Variants in SLC2A3 observed in about 807,000 individuals in gnomAD.
SLC2A3 encodes solute carrier family 2 member 3.
A neutral mutation model predicts 46.4 loss-of-function variants in SLC2A3; 21 were observed. That is an observed-to-expected ratio of 0.45 (90% confidence interval 0.32 to 0.65). SLC2A3 has a LOEUF of 0.65. Ranked by LOEUF, SLC2A3 falls within the 30% of genes least tolerant of loss-of-function variation. The probability of loss-of-function intolerance (pLI) is 0.04; values close to 1 mark genes in which losing one functional copy is unlikely to be tolerated. For synonymous variants in SLC2A3, 213 were observed against 239.4 expected (o/e 0.89, Z 1.02); for missense variants, 499 against 623.3 (o/e 0.80, Z 2.12).
intron 1 of SLC2A3, 130 bp from the exon 2 acceptor site, chr12:7,934,032 T>A (rs1170714626): frequency 1.3e-6 from 1 of 787,724 alleles, no homozygotes; most frequent in Non-Finnish European, 2.0e-6. Flanking sequence ...TCCAATGAGA[T>A]TTAGGTAATT....
At chr12:7,927,705 T>C (rs988655028) in intron 6 of SLC2A3, among the ~76,000 whole-genome samples, 32 of 152,108 alleles carry the variant, frequency 2.1e-4, no homozygotes, top group African/African-American at 7.7e-4. Flanking sequence ...ATAATTCTGA[T>C]GCAGCCAGCT....
chr12:7,926,275 G>A (rs1366842354), intron 6 of SLC2A3, among the ~76,000 whole-genome samples: 3 of 152,048 alleles, frequency 2.0e-5, no homozygotes, highest in African/African-American at 7.2e-5. Flanking sequence ...AGTTTAAGTA[G>A]AGATGGGTTT....
At chr12:7,923,907 T>G (rs1273735456) in intron 8 of SLC2A3, among the ~76,000 whole-genome samples, 1 of 151,884 alleles carries the variant, frequency 6.6e-6, no homozygotes, top group African/African-American at 2.4e-5. Context: ...TAGCTGACAT[T>G]AGAGGCATGC....
chr12:7,929,406 A>T, intron 6 of SLC2A3: 1 of 426,196 alleles, frequency 2.3e-6, no homozygotes, highest in East Asian at 3.9e-5. Flanking sequence ...GTAAAAACAG[A>T]CTGGTAAAGT....
At chr12:7,921,773 TTA>T in intron 9 of SLC2A3, 142 bp from the exon 10 acceptor site, 1 of 952,302 alleles carries the variant, frequency 1.1e-6, no homozygotes, top group South Asian at 1.8e-5. Flanking sequence ...TCAGATTCGC[TTA>T]TGATTCCATT....
intron 4 of SLC2A3, among the ~76,000 whole-genome samples, chr12:7,930,887 A>C (rs1444552721): frequency 2.9e-5 from 4 of 137,220 alleles, no homozygotes; most frequent in East Asian, 2.2e-4. Flanking sequence ...AACTCTGCCT[A>C]CCGGGTTCAC....
At chr12:7,926,021 T>C (rs1468016862) in intron 6 of SLC2A3, 73 bp from the exon 7 acceptor site, 2 of 1,306,862 alleles carry the variant, frequency 1.5e-6, no homozygotes, top group Non-Finnish European at 1.1e-6. Context: ...AAAAATAAAC[T>C]TAAAAGTCCC....
chr12:7,935,251 G>A (rs370802030), intron 1 of SLC2A3, among the ~76,000 whole-genome samples: 18 of 152,200 alleles, frequency 1.2e-4, no homozygotes, highest in African/African-American at 4.3e-4. Context: ...GTCGGGAGTC[G>A]AGACCAGCCT....
chr12:7,933,400 T>C (rs775237201), intron 2 of SLC2A3: 80 of 559,676 alleles, frequency 1.4e-4, no homozygotes, highest in Non-Finnish European at 5.0e-5. Context: ...ACCCAGCTTC[T>C]TTGTAACTAA....
intron 4 of SLC2A3, 147 bp from the exon 5 acceptor site, chr12:7,930,789 ATGGT>A: frequency 1.8e-6 from 1 of 567,120 alleles, no homozygotes; most frequent in Non-Finnish European, 2.6e-6. Context: ...TCTACTCAGC[ATGGT>A]TTTTTTTTTT....
chr12:7,928,270 C>T (rs373474608), intron 6 of SLC2A3, among the ~76,000 whole-genome samples: 1 of 151,522 alleles, frequency 6.6e-6, no homozygotes, highest in African/African-American at 2.4e-5. Flanking sequence ...TGGTGGCACA[C>T]GCCTGTAGTC....
At chr12:7,930,749 AAAT>A in intron 4 of SLC2A3, 107 bp from the exon 5 acceptor site, 3 of 1,280,764 alleles carry the variant, frequency 2.3e-6, no homozygotes, top group Non-Finnish European at 3.2e-6. Flanking sequence ...CCATGTGAAA[AAAT>A]AAACAAATTG....
rs17847970 is a variant in SLC2A3 at position 7,924,554 on chromosome 12, T to C, written c.967-43A>G. 15,460 of 1,549,074 alleles carry C rather than the reference T, an allele frequency of 1.0e-2. 460 individuals carry two copies. The East Asian group carries it at 0.13, about 14-fold the overall frequency. On this transcript the variant is annotated intron_variant, in intron 7 of 9. Transcript: ENST00000075120. ...CATGAAACTTCAGTTTTCCTTTCCA[T>C]GAAAACAGCATCTGAGCTACTTGAA...
At chr12:7,934,492 C>T (rs74503359) in intron 1 of SLC2A3, among the ~76,000 whole-genome samples, 1,936 of 152,166 alleles carry the variant, frequency 0.013, 25 homozygotes, top group Middle Eastern at 0.024. Context: ...CTATCCCTAA[C>T]TCCCGCGCAG....
rs113852491 is a variant in SLC2A3 at position 7,929,457 on chromosome 12, T to C, written c.861+227A>G. The C allele has an allele frequency of 2.9e-5, 18 of 626,050 alleles. 1 individual carries two copies. The highest frequency in any genetic ancestry group is 2.8e-4 in the African/African-American group (15 of 54,472). 38.8% of individuals were successfully genotyped at this position (626,050 alleles called of 1,614,324 possible). A position where few individuals can be genotyped will look rare whatever the true frequency, so the allele number is the denominator to read the frequency against. Reference sequence around the variant, plus strand: ...TTGCCAGTGTCCTTCCAGGGTCTTTTTTTTTTTTCCTTTTTTTAAATTTCA... The same window carrying C: ...TTGCCAGTGTCCTTCCAGGGTCTTTCTTTTTTTTCCTTTTTTTAAATTTCA... On this transcript the variant is annotated intron_variant, in intron 6 of 9. Coordinates refer to ENST00000075120, the MANE Select transcript of SLC2A3 (RefSeq NM_006931.3).
In SLC2A3 at chr12:7,922,828, G is replaced by A. The variant is rs1204489363; in HGVS notation, c.1265C>T (p.Ser422Phe). 6.2e-7 allele frequency: 1 copy of A among 1,613,992 alleles called. No homozygotes were observed. The highest frequency in any genetic ancestry group is 8.5e-7 in the Non-Finnish European group (1 of 1,179,908). ...SNFLVGLLFP[S>F]AAHYLGAYVF... Reference sequence around the variant, plus strand: ...TAAGGTGAGTTTACTTACAGCAGCGGAGGGGAAGAGCAATCCGACTAGGAA... The same window carrying A: ...TAAGGTGAGTTTACTTACAGCAGCGAAGGGGAAGAGCAATCCGACTAGGAA... The change falls in exon 9 of 10, where the codon TCC becomes TTC. Residue 422 changes from serine to phenylalanine, a missense_variant. Around this residue, in one of 5 missense-constraint regions of SLC2A3, gnomAD observed 179 missense variants for 205.1 expected, o/e 0.87. Transcript: ENST00000075120.
Position 7,930,599 on chromosome 12 carries a change from G to T in SLC2A3, c.554C>A (p.Pro185Gln). 1 of 1,613,794 alleles carries T rather than the reference G, an allele frequency of 6.2e-7. No homozygotes were observed. The highest frequency in any genetic ancestry group is 1.1e-5 in the South Asian group (1 of 91,064). ...EFILGSEELW[P>Q]LLLGFTILPA... ...AAGGATGGTAAAACCCAGTAGCAGCGGCCATAGCTCTTCAGACCCAAGGAT... is the reference window on the plus strand; with the variant it reads ...AAGGATGGTAAAACCCAGTAGCAGCTGCCATAGCTCTTCAGACCCAAGGAT... Residue 185 changes from proline (P) to glutamine (Q), a missense_variant, in exon 5 of 10, where the codon CCG (proline) becomes CAG (glutamine). By Grantham distance (76) the Pro-to-Gln change is moderately conservative. Coordinates refer to ENST00000075120, the MANE Select transcript of SLC2A3 (RefSeq NM_006931.3).
chr12:7,933,032 A>T lies in SLC2A3; in HGVS notation c.224T>A (p.Met75Lys). ...LSVAIFSVGG[M>K]IGSFSVGLFV... ...GAGTCCGACGGAAAAGGAGCCGATC[A>T]TACCCCCGACGGAAAATATGGCCAC... The change falls in exon 3 of 10, where the codon ATG becomes AAG. Residue 75 changes from methionine (M) to lysine (K), a missense_variant. Physicochemically the swap from Met to Lys is moderately conservative, Grantham distance 95. Transcript: ENST00000075120. 1 of 1,614,146 alleles carries T rather than the reference A, an allele frequency of 6.2e-7. No homozygotes were observed.
In SLC2A3 at chr12:7,933,118, C is replaced by A. The variant is rs1295939907; in HGVS notation, c.138G>T (p.Leu46Phe). 3.1e-6 allele frequency: 5 copies of A among 1,613,852 alleles called. No homozygotes were observed. The highest frequency in any genetic ancestry group is 3.4e-6 in the Non-Finnish European group (4 of 1,179,976). ...KIIKEFINKTLTDKGNAPPSE... is the reference protein window; with the variant it reads ...KIIKEFINKTFTDKGNAPPSE... ...AGGGTGGGGCATTTCCCTTGTCCGT[C>A]AAAGTTTTATTGATAAATTCCTTTA... The change falls in exon 3 of 10, where the codon TTG becomes TTT. Residue 46 changes from leucine (L) to phenylalanine (F), a missense_variant. By Grantham distance (22) the Leu-to-Phe change is conservative (BLOSUM62 0). Transcript: ENST00000075120.
Sources: allele counts gnomAD v4.1 joint callset (sites outside exome capture counted in the v4.1 genomes callset), GRCh38; gene constraint gnomAD v4.1.1; regional missense constraint gnomAD v4.1.1; transcripts MANE v1.5; gene names NCBI Gene and HGNC (gene_info 2026-07-23, HGNC 2026-07-21).